KCNMB2: variants seen among roughly 807,000 people sequenced by gnomAD.
KCNMB2 encodes the protein calcium-activated potassium channel subunit beta-2.
Under a neutral mutation model 24.5 loss-of-function variants are expected in KCNMB2, and 9 were observed. The ratio of observed to expected loss-of-function variants is 0.37; its 90% CI spans 0.22 to 0.64. The LOEUF is 0.64. Among genes scored for constraint, KCNMB2 ranks in the 30% least tolerant of loss-of-function variants. The pLI is 0.63. For synonymous variants in KCNMB2, 109 were observed against 104.4 expected, an observed-to-expected ratio of 1.04 and a Z score of -0.27; for missense variants, 226 against 284.3, an observed-to-expected ratio of 0.79 and a Z score of 1.47.
chr3:178,837,775 C>A (rs1427769255), intron 4 of KCNMB2, among the ~76,000 whole-genome samples: 2 of 151,842 alleles, frequency 1.3e-5, no homozygotes, highest in Non-Finnish European at 2.9e-5. Context: ...ATTACCAGCT[C>A]CTGTATTACA....
intron 1 of KCNMB2, among the ~76,000 whole-genome samples, chr3:178,781,696 G>T (rs187520863): frequency 0.013 from 1,903 of 151,916 alleles, 29 homozygotes; most frequent in Non-Finnish European, 0.018. Context: ...TGAGGAACAG[G>T]GGGGAGTGAT....
At chr3:178,823,876 A>G (rs1040792093) in intron 2 of KCNMB2, among the ~76,000 whole-genome samples, 2 of 152,014 alleles carry the variant, frequency 1.3e-5, no homozygotes, top group African/African-American at 4.8e-5. Context: ...GAAAAATCTG[A>G]AGTTATTCTT....
At chr3:178,770,822 G>A (rs1333483315) in intron 1 of KCNMB2, among the ~76,000 whole-genome samples, 1 of 152,088 alleles carries the variant, frequency 6.6e-6, no homozygotes, top group Admixed American at 6.6e-5. Context: ...CTTCACCTAA[G>A]AGAAGCCGAG....
At chr3:178,698,774 T>C (rs1030829856) in intron 1 of KCNMB2, among the ~76,000 whole-genome samples, 3 of 152,250 alleles carry the variant, frequency 2.0e-5, no homozygotes, top group African/African-American at 7.2e-5. Flanking sequence ...TTGAGGTTGC[T>C]GATTTTTGGA....
chr3:178,776,878 G>A (rs531298089), intron 1 of KCNMB2, among the ~76,000 whole-genome samples: 28 of 152,214 alleles, frequency 1.8e-4, no homozygotes, highest in Admixed American at 1.1e-3. Flanking sequence ...TCTACTTGCC[G>A]GTTTTGAGCA....
intron 1 of KCNMB2, among the ~76,000 whole-genome samples, chr3:178,683,494 C>T (rs925435286): frequency 2.0e-5 from 3 of 152,086 alleles, no homozygotes; most frequent in African/African-American, 7.2e-5. Context: ...TGAATAAATA[C>T]ATGAAAATTA....
At chr3:178,760,125 T>G (rs1313496250) in intron 1 of KCNMB2, among the ~76,000 whole-genome samples, 1 of 32,380 alleles carries the variant, frequency 3.1e-5, no homozygotes, top group Admixed American at 4.2e-4. Context: ...AGGATATATC[T>G]ATATATATAT....
intron 1 of KCNMB2, among the ~76,000 whole-genome samples, chr3:178,628,917 G>A (rs1232345478): frequency 1.3e-5 from 2 of 152,030 alleles, no homozygotes; most frequent in African/African-American, 2.4e-5. Context: ...CCAAGAGCAC[G>A]AACTACTTTT....
intron 1 of KCNMB2, among the ~76,000 whole-genome samples, chr3:178,728,106 A>G (rs1170896154): frequency 6.6e-6 from 1 of 152,198 alleles, no homozygotes; most frequent in Non-Finnish European, 1.5e-5. Flanking sequence ...TTGTTGTTGC[A>G]TCATCACTCA....
At chr3:178,715,753 T>C (rs1159233543) in intron 1 of KCNMB2, among the ~76,000 whole-genome samples, 1 of 152,224 alleles carries the variant, frequency 6.6e-6, no homozygotes, top group Non-Finnish European at 1.5e-5. Flanking sequence ...TCTGTGTGTT[T>C]AGTTGATGAA....
intron 1 of KCNMB2, among the ~76,000 whole-genome samples, chr3:178,620,298 A>G (rs1030176119): frequency 1.2e-4 from 19 of 152,312 alleles, no homozygotes; most frequent in African/African-American, 4.6e-4. Flanking sequence ...TAATAAAACT[A>G]TGAATAATTT....
intron 1 of KCNMB2, among the ~76,000 whole-genome samples, chr3:178,615,694 C>T (rs1718680555): frequency 6.6e-6 from 1 of 152,188 alleles, no homozygotes; most frequent in Non-Finnish European, 1.5e-5. Flanking sequence ...TGGCCTAGGG[C>T]AGGTCCAGAA....
chr3:178,810,230 A>G (rs749236144), intron 2 of KCNMB2, among the ~76,000 whole-genome samples: 7 of 152,342 alleles, frequency 4.6e-5, no homozygotes, highest in Non-Finnish European at 8.8e-5. Context: ...TAAATTAACT[A>G]GATTGTCTGA....
intron 1 of KCNMB2, among the ~76,000 whole-genome samples, chr3:178,665,370 TA>T (rs1448051729): frequency 1.3e-5 from 2 of 152,170 alleles, no homozygotes; most frequent in Non-Finnish European, 2.9e-5. Flanking sequence ...CAACATTGTT[TA>T]AAAAATGATA....
intron 1 of KCNMB2, among the ~76,000 whole-genome samples, chr3:178,640,175 A>G (rs1719671856): frequency 6.6e-6 from 1 of 152,178 alleles, no homozygotes; most frequent in Non-Finnish European, 1.5e-5. Context: ...TACTATCTCT[A>G]TTGGTAACTG....
At chr3:178,733,678 G>T (rs1305929753) in intron 1 of KCNMB2, among the ~76,000 whole-genome samples, 2 of 151,906 alleles carry the variant, frequency 1.3e-5, no homozygotes, top group East Asian at 3.9e-4. Context: ...ATGGGGTTTC[G>T]CCATGTTAGC....
intron 1 of KCNMB2, among the ~76,000 whole-genome samples, chr3:178,559,505 TG>T (rs1716240218): frequency 6.6e-6 from 1 of 151,884 alleles, no homozygotes; most frequent in Admixed American, 6.6e-5. Context: ...AGCATCTAGA[TG>T]ACTCTATAAA....
intron 1 of KCNMB2, among the ~76,000 whole-genome samples, chr3:178,726,981 C>G (rs1722987548): frequency 6.8e-6 from 1 of 147,534 alleles, no homozygotes; most frequent in Non-Finnish European, 1.5e-5. Context: ...GGCTAGAGAT[C>G]TAAAAAACAA....
intron 1 of KCNMB2, among the ~76,000 whole-genome samples, chr3:178,742,595 C>G (rs1450492373): frequency 6.6e-6 from 1 of 152,146 alleles, no homozygotes; most frequent in Non-Finnish European, 1.5e-5. Context: ...GCAAGTCTGT[C>G]ACTGGTATAA....
Sources: allele counts gnomAD v4.1 joint callset (sites outside exome capture counted in the v4.1 genomes callset), GRCh38; gene constraint gnomAD v4.1.1; transcripts MANE v1.5; gene names NCBI Gene and HGNC (gene_info 2026-07-23, HGNC 2026-07-21).